The following KCNT2 variants were observed in gnomAD, a reference collection of about 807,000 sequenced individuals.
KCNT2 encodes potassium sodium-activated channel subfamily T member 2, also known as potassium channel subfamily T member 2.
A neutral mutation model predicts 153.8 loss-of-function variants in KCNT2; 67 were observed. The ratio of observed to expected loss-of-function variants is 0.44; its 90% CI spans 0.36 to 0.53. The LOEUF (loss-of-function observed/expected upper bound fraction) is 0.53, where lower values mean the gene tolerates loss of function less well. KCNT2 is among the 20% of genes least tolerant of loss of function. The pLI is 0.00. For missense variants in KCNT2, 975 were observed against 1,354.8 expected (o/e 0.72, Z 4.40); for synonymous variants, 500 against 458.8 (o/e 1.09, Z -1.15).
intron 22 of KCNT2, among the ~76,000 whole-genome samples, chr1:196,303,364 T>A (rs1661361050): frequency 6.6e-6 from 1 of 152,178 alleles, no homozygotes; most frequent in Non-Finnish European, 1.5e-5. Flanking sequence ...TTCCTTTGGA[T>A]AAAGAGATAT....
intron 1 of KCNT2, among the ~76,000 whole-genome samples, chr1:196,535,329 A>C (rs982711379): frequency 6.6e-6 from 1 of 152,210 alleles, no homozygotes; most frequent in Non-Finnish European, 1.5e-5. Context: ...CAGCTGTTAC[A>C]CATTGTAAAA....
intron 1 of KCNT2, among the ~76,000 whole-genome samples, chr1:196,585,056 A>C (rs1662509380): frequency 6.6e-6 from 1 of 152,088 alleles, no homozygotes; most frequent in Non-Finnish European, 1.5e-5. Flanking sequence ...TTTGCCAAGC[A>C]TTTATTATTT....
Position 196,426,104 on chromosome 1 carries a change from T to C in KCNT2, c.985-116A>G, listed in dbSNP as rs1020966696. On this transcript the variant is annotated intron_variant, in intron 10 of 27. Coordinates refer to ENST00000294725, the MANE Select transcript of KCNT2 (RefSeq NM_198503.5). ...ATATGATAAAACTGAAATGAACTTT[T>C]GCTAATAAAATTTCACATTTAAAAC... 3.9e-6 allele frequency: 3 copies of C among 770,826 alleles called. No individual in the cohort carries two copies. In the East Asian group the frequency reaches 8.3e-5, roughly 21 times the overall value. 47.7% of individuals were successfully genotyped at this position (770,826 alleles called of 1,614,324 possible).
Position 196,285,637 on chromosome 1 carries a change from T to C in KCNT2, c.2697+20A>G, listed in dbSNP as rs778210381. 7 of 1,450,912 alleles carry C rather than the reference T, an allele frequency of 4.8e-6. 1 individual carries two copies. In the Admixed American group the frequency reaches 7.3e-5, roughly 15 times the overall value. 89.9% of individuals were successfully genotyped at this position (1,450,912 alleles called of 1,614,324 possible). A position where few individuals can be genotyped will look rare whatever the true frequency, so the allele number is the denominator to read the frequency against. Reference sequence around the variant, plus strand: ...CAGAAAACAACCATTTTAGAGAAAATAAAAAGAAATATTGTATACCTGATA... The same window carrying C: ...CAGAAAACAACCATTTTAGAGAAAACAAAAAGAAATATTGTATACCTGATA... On this transcript the variant is annotated intron_variant, in intron 23 of 27. Transcript: ENST00000294725.
rs1405303187 is a variant in KCNT2, at chr1:196,251,117, G to GCTAGGTATATA, written c.3211+7066_3211+7076dup. ...TACCATATGATCCAGCATTCTCACTGCTAGGTATATACCCAAAAGAAAGGA... is the reference window on the plus strand; with the variant it reads ...TACCATATGATCCAGCATTCTCACTGCTAGGTATATACTAGGTATATACCCAAAAGAAAGGA... On this transcript the variant is annotated intron_variant, in intron 26 of 27. Coordinates refer to ENST00000294725, the MANE Select transcript of KCNT2 (RefSeq NM_198503.5). Among the ~76,000 whole-genome samples the GCTAGGTATATA allele has an allele frequency of 2.2e-4, 34 of 152,112 alleles. 1 individual carries two copies. The highest frequency in any genetic ancestry group is 8.2e-4 in the African/African-American group (34 of 41,514).
intron 7 of KCNT2, 59 bp downstream of exon 7, chr1:196,467,644 T>C (rs1677738763): frequency 1.8e-6 from 2 of 1,140,624 alleles, no homozygotes; most frequent in African/African-American, 3.1e-5. Flanking sequence ...AATCTAAACA[T>C]TGAAAATAAG....
chr1:196,254,566 T>C lies in KCNT2; in HGVS notation c.3211+3628A>G, dbSNP rs531429772. ...TAGGATAAATCTGTGAAGAAATCTG[T>C]ACTAGAGAAAAATATTTGATTTATT... On this transcript the variant is annotated intron_variant, in intron 26 of 27. Transcript: ENST00000294725. Among the ~76,000 whole-genome samples, 8 of 151,628 alleles carry C rather than the reference T, an allele frequency of 5.3e-5. No individual in the cohort carries two copies. The South Asian group carries it at 1.7e-3, about 31-fold the overall frequency.
At chr1:196,528,299 C>T (rs1654512015) in intron 1 of KCNT2, among the ~76,000 whole-genome samples, 1 of 152,120 alleles carries the variant, frequency 6.6e-6, no homozygotes, top group African/African-American at 2.4e-5. Flanking sequence ...ATCTGGGTAG[C>T]CCCAACTATT....
At position 196,588,051 on chromosome 1, in the gene KCNT2, T is replaced by C. The variant is rs528168646; in HGVS notation, c.95+20164A>G. Among the ~76,000 whole-genome samples the C allele has an allele frequency of 2.0e-5, 3 of 152,158 alleles. No individual in the cohort carries two copies. In the East Asian group the frequency reaches 5.8e-4, roughly 29 times the overall value. ...AATCAATACTTTGAAAAACCTTTTCTATCAGCTGAGGCAAAGAAAGGGGCA... is the reference window on the plus strand; with the variant it reads ...AATCAATACTTTGAAAAACCTTTTCCATCAGCTGAGGCAAAGAAAGGGGCA... On this transcript the variant is annotated intron_variant, in intron 1 of 27. Transcript: ENST00000294725.
At chr1:196,507,123 C>T (rs540212368) in intron 1 of KCNT2, among the ~76,000 whole-genome samples, 10 of 152,062 alleles carry the variant, frequency 6.6e-5, no homozygotes, top group African/African-American at 2.4e-4. Context: ...AAGAATACAT[C>T]AGTAATATAA....
intron 1 of KCNT2, among the ~76,000 whole-genome samples, chr1:196,519,906 A>C (rs1375863985): frequency 6.6e-6 from 1 of 152,194 alleles, no homozygotes; most frequent in Non-Finnish European, 1.5e-5. Context: ...AAACTATTCC[A>C]AAAAATTGAA....
chr1:196,335,974 T>C (rs1450686004), intron 16 of KCNT2, among the ~76,000 whole-genome samples: 1 of 152,136 alleles, frequency 6.6e-6, no homozygotes, highest in African/African-American at 2.4e-5. Context: ...TTTTCTTGCA[T>C]ATACCCCTGG....
intron 1 of KCNT2, among the ~76,000 whole-genome samples, chr1:196,599,949 G>C (rs1025789152): frequency 2.0e-5 from 3 of 152,136 alleles, no homozygotes; most frequent in Non-Finnish European, 4.4e-5. Context: ...TCCCAGTCAA[G>C]AGAGACAAAT....
Position 196,373,185 on chromosome 1 carries a change from G to T in KCNT2, c.1358C>A (p.Ala453Glu). 2 of 1,588,866 alleles carry T rather than the reference G, an allele frequency of 1.3e-6. No individual in the cohort carries two copies. Among genetic ancestry groups the T allele is most frequent in the Non-Finnish European group, 1.7e-6 (2 of 1,157,906 alleles). ...CAGTAGTGTAATAAGTGTAGATGTT[G>T]CTGGGCATATACAGTTTAAAGCTAA... ...AMLALNCICPATSTLITLLVH... is the reference protein window; with the variant it reads ...AMLALNCICPETSTLITLLVH... Residue 453 changes from alanine to glutamate, a missense_variant, in exon 14 of 28, where the codon GCA becomes GAA. Around this residue, in one of 6 missense-constraint regions of KCNT2, gnomAD observed 202 missense variants for 314.9 expected, o/e 0.64. Coordinates refer to ENST00000294725, the MANE Select transcript of KCNT2 (RefSeq NM_198503.5).
intron 26 of KCNT2, among the ~76,000 whole-genome samples, chr1:196,237,333 A>G (rs1286779736): frequency 1.3e-5 from 2 of 151,726 alleles, no homozygotes; most frequent in Non-Finnish European, 3.0e-5. Flanking sequence ...TTAAAGTGTA[A>G]AAACAAAAAT....
chr1:196,477,693 A>T (rs1012525286), intron 5 of KCNT2, among the ~76,000 whole-genome samples: 2 of 152,214 alleles, frequency 1.3e-5, no homozygotes, highest in Admixed American at 1.3e-4. Flanking sequence ...GGCTATTAAC[A>T]AAAATTAGTA....
At chr1:196,580,133 C>T (rs1374892033) in intron 1 of KCNT2, among the ~76,000 whole-genome samples, 2 of 152,080 alleles carry the variant, frequency 1.3e-5, no homozygotes, top group African/African-American at 4.8e-5. Flanking sequence ...AAAGAATAAA[C>T]AAATCCAGCA....
Position 196,329,411 on chromosome 1 carries a change from T to G in KCNT2, c.2103+1745A>C, listed in dbSNP as rs534274944. ...GTCCTTTGATATTAAAATATCCTCT[T>G]ATTGTGCCTCCATCAATCCTGTTCT... On this transcript the variant is annotated intron_variant, in intron 18 of 27. Coordinates refer to ENST00000294725, the MANE Select transcript of KCNT2 (RefSeq NM_198503.5). Among the ~76,000 whole-genome samples, 41 of 152,238 alleles carry G rather than the reference T, an allele frequency of 2.7e-4. No individual in the cohort carries two copies. In the South Asian group the frequency reaches 7.7e-3, roughly 28 times the overall value.
chr1:196,358,209 A>T (rs191539563), intron 14 of KCNT2, among the ~76,000 whole-genome samples: 1 of 150,832 alleles, frequency 6.6e-6, no homozygotes, highest in Non-Finnish European at 1.5e-5. Flanking sequence ...AATCCTAAAT[A>T]TTTCTATGAG....
Sources: allele counts gnomAD v4.1 joint callset (sites outside exome capture counted in the v4.1 genomes callset), GRCh38; gene constraint gnomAD v4.1.1; regional missense constraint gnomAD v4.1.1; transcripts MANE v1.5; gene names NCBI Gene and HGNC (gene_info 2026-07-23, HGNC 2026-07-21).